The following PPP1R9A variants were observed in gnomAD, a reference collection of about 807,000 sequenced individuals.
PPP1R9A encodes the protein protein phosphatase 1 regulatory subunit 9A, also known as neurabin-1.
In PPP1R9A, 59 loss-of-function variants were observed where a neutral mutation model predicts 141.9. The observed-to-expected ratio is 0.42, with a 90% CI of 0.34 to 0.52. The LOEUF is 0.52. Among genes scored for constraint, PPP1R9A ranks in the 20% least tolerant of loss-of-function variants. The pLI, the probability that PPP1R9A is intolerant of heterozygous loss-of-function variation, is 0.10. For missense variants in PPP1R9A, 1,444 were observed against 1,611.9 expected, an observed-to-expected ratio of 0.90 and a Z score of 1.78; for synonymous variants, 500 against 569.7, an observed-to-expected ratio of 0.88 and a Z score of 1.74.
intron 4 of PPP1R9A, among the ~76,000 whole-genome samples, chr7:95,127,507 C>CT (rs113436552): frequency 0.6 from 86,747 of 145,664 alleles, 25,955 homozygotes; most frequent in African/African-American, 0.71. Context: ...TTTTTTCTTT[C>CT]TTTTTTTTTT....
intron 4 of PPP1R9A, among the ~76,000 whole-genome samples, chr7:95,147,527 A>G (rs778911219): frequency 3.3e-5 from 5 of 152,086 alleles, no homozygotes; most frequent in Non-Finnish European, 7.4e-5. Flanking sequence ...AACTTCCAAT[A>G]CTGTGTTGAA....
intron 2 of PPP1R9A, among the ~76,000 whole-genome samples, chr7:94,995,651 G>T (rs1413504724): frequency 6.6e-6 from 1 of 151,872 alleles, no homozygotes; most frequent in Non-Finnish European, 1.5e-5. Context: ...AGAAGCTTGA[G>T]TCTTCTTTAG....
intron 4 of PPP1R9A, among the ~76,000 whole-genome samples, chr7:95,132,488 G>T (rs1390432961): frequency 6.6e-6 from 1 of 152,122 alleles, no homozygotes; most frequent in Non-Finnish European, 1.5e-5. Context: ...CATATTTATT[G>T]ATTTGTATAT....
At chr7:95,050,208 T>C (rs1810599809) in intron 2 of PPP1R9A, among the ~76,000 whole-genome samples, 2 of 152,220 alleles carry the variant, frequency 1.3e-5, no homozygotes, top group Non-Finnish European at 2.9e-5. Flanking sequence ...ATCATGTTGT[T>C]GTTTTAATTT....
intron 2 of PPP1R9A, among the ~76,000 whole-genome samples, chr7:94,966,702 C>T (rs1563058230): frequency 6.6e-6 from 1 of 152,166 alleles, no homozygotes. Context: ...TAATGTGCTG[C>T]TGGATTTGGT....
intron 2 of PPP1R9A, among the ~76,000 whole-genome samples, chr7:95,040,203 C>A (rs149477762): frequency 1.3e-5 from 2 of 151,950 alleles, no homozygotes; most frequent in East Asian, 3.9e-4. Flanking sequence ...ATAAATAAGA[C>A]CTAATAACTT....
chr7:94,947,087 T>C (rs772880655), intron 2 of PPP1R9A, among the ~76,000 whole-genome samples: 17 of 152,170 alleles, frequency 1.1e-4, no homozygotes, highest in Non-Finnish European at 2.1e-4. Flanking sequence ...GCACAGTACT[T>C]GAATATGGTT....
intron 7 of PPP1R9A, among the ~76,000 whole-genome samples, chr7:95,205,139 G>A (rs1341944922): frequency 6.6e-6 from 1 of 152,140 alleles, no homozygotes; most frequent in Admixed American, 6.6e-5. Context: ...TGTACAGACA[G>A]AAAGATGGGT....
intron 5 of PPP1R9A, among the ~76,000 whole-genome samples, chr7:95,164,741 C>CTTTTTTTTTTTT (rs200177321): frequency 6.0e-5 from 4 of 66,178 alleles, no homozygotes; most frequent in African/African-American, 6.3e-5. Context: ...CTTTTCTTTT[C>CTTTTTTTTTTTT]TTTTTTTTTT....
At chr7:94,929,439 A>G (rs1321095453) in intron 2 of PPP1R9A, among the ~76,000 whole-genome samples, 1 of 152,196 alleles carries the variant, frequency 6.6e-6, no homozygotes, top group Admixed American at 6.5e-5. Context: ...GTGTTGGTAG[A>G]AAAAGGGACA....
At chr7:94,984,510 C>T (rs1800548727) in intron 2 of PPP1R9A, among the ~76,000 whole-genome samples, 2 of 152,188 alleles carry the variant, frequency 1.3e-5, no homozygotes, top group African/African-American at 4.8e-5. Flanking sequence ...AATTTCAGAG[C>T]CTGTTATTGG....
intron 2 of PPP1R9A, among the ~76,000 whole-genome samples, chr7:95,079,268 G>A (rs1045472917): frequency 6.6e-6 from 1 of 152,022 alleles, no homozygotes; most frequent in Non-Finnish European, 1.5e-5. Flanking sequence ...TTTTTCTCAG[G>A]TTTGTCAAAG....
At chr7:95,213,577 G>A (rs2152920747) in intron 7 of PPP1R9A, among the ~76,000 whole-genome samples, 1 of 152,072 alleles carries the variant, frequency 6.6e-6, no homozygotes, top group East Asian at 1.9e-4. Context: ...ACCCACCTCA[G>A]CCTTCCAAAG....
intron 4 of PPP1R9A, among the ~76,000 whole-genome samples, chr7:95,141,252 G>C (rs1826625238): frequency 6.6e-6 from 1 of 152,060 alleles, no homozygotes; most frequent in South Asian, 2.1e-4. Context: ...TGAAAACTAG[G>C]CCAAGTGATT....
At chr7:95,149,699 A>G (rs966801640) in intron 4 of PPP1R9A, among the ~76,000 whole-genome samples, 23 of 138,248 alleles carry the variant, frequency 1.7e-4, no homozygotes, top group African/African-American at 5.8e-4. Context: ...GGAAAACTAC[A>G]AAACTGTGAT....
intron 5 of PPP1R9A, among the ~76,000 whole-genome samples, chr7:95,185,786 C>T (rs1350460853): frequency 6.6e-6 from 1 of 152,122 alleles, no homozygotes; most frequent in Non-Finnish European, 1.5e-5. Context: ...AATAGGGTAT[C>T]CTTTCCCCAC....
intron 2 of PPP1R9A, among the ~76,000 whole-genome samples, chr7:94,992,583 A>C (rs1006130194): frequency 6.6e-6 from 1 of 152,324 alleles, no homozygotes; most frequent in Admixed American, 6.5e-5. Context: ...TTATATTCCC[A>C]CTAATAGTAT....
chr7:95,289,303 T>G (rs1258684670), intron 19 of PPP1R9A, among the ~76,000 whole-genome samples: 1 of 152,212 alleles, frequency 6.6e-6, no homozygotes, highest in Non-Finnish European at 1.5e-5. Flanking sequence ...CAACTCCATG[T>G]ACCCCCAAGC....
intron 3 of PPP1R9A, among the ~76,000 whole-genome samples, chr7:95,118,032 C>G (rs899274648): frequency 6.6e-6 from 1 of 152,138 alleles, no homozygotes. Flanking sequence ...AATTCATTTT[C>G]TTGAGAAACC....
Sources: allele counts gnomAD v4.1 joint callset (sites outside exome capture counted in the v4.1 genomes callset), GRCh38; gene constraint gnomAD v4.1.1; transcripts MANE v1.5; gene names NCBI Gene and HGNC (gene_info 2026-07-23, HGNC 2026-07-21).